VPS13C: variants seen among roughly 807,000 people sequenced by gnomAD.
The protein encoded by VPS13C is intermembrane lipid transfer protein VPS13C.
A neutral mutation model predicts 456.8 loss-of-function variants in VPS13C; 358 were observed. That is an observed-to-expected ratio of 0.78 (90% CI 0.72 to 0.86). The LOEUF (loss-of-function observed/expected upper bound fraction) is 0.86. Among genes scored for constraint, VPS13C ranks in the 40% least tolerant of loss-of-function variants. The probability of loss-of-function intolerance (pLI) is 0.00; values close to 1 mark genes in which losing one functional copy is unlikely to be tolerated. For synonymous variants in VPS13C, 1,578 were observed against 1,486.7 expected (o/e 1.06, Z -1.41); for missense variants, 4,818 against 4,385.4 (o/e 1.10, Z -2.79).
intron 3 of VPS13C, among the ~76,000 whole-genome samples, chr15:62,036,738 C>A (rs950788223): frequency 1.4e-4 from 21 of 151,998 alleles, no homozygotes; most frequent in African/African-American, 5.1e-4. Flanking sequence ...TTCTTCTCTA[C>A]ATTTATACTA....
At chr15:61,875,595 A>G in intron 76 of VPS13C, 137 bp downstream of exon 76, 1 of 654,112 alleles carries the variant, frequency 1.5e-6, no homozygotes, top group Non-Finnish European at 2.6e-6. Flanking sequence ...AAATAAAAAT[A>G]TAAAATTGAT....
At chr15:61,996,948 T>C (rs1294959156) in intron 16 of VPS13C, among the ~76,000 whole-genome samples, 1 of 150,450 alleles carries the variant, frequency 6.6e-6, no homozygotes, top group Non-Finnish European at 1.5e-5. Flanking sequence ...AATACATATA[T>C]CTTATACATA....
intron 16 of VPS13C, among the ~76,000 whole-genome samples, chr15:61,999,675 T>G (rs548205097): frequency 5.9e-5 from 9 of 152,106 alleles, no homozygotes; most frequent in Non-Finnish European, 1.3e-4. Flanking sequence ...TAATTTTTTT[T>G]CATCACCAAA....
intron 83 of VPS13C, among the ~76,000 whole-genome samples, 191 bp downstream of exon 83, chr15:61,856,095 T>A (rs546707209): frequency 1.0e-3 from 157 of 152,252 alleles, no homozygotes; most frequent in Non-Finnish European, 1.8e-3. Flanking sequence ...TAGACTGATA[T>A]TTCACTCTAT....
intron 66 of VPS13C, among the ~76,000 whole-genome samples, chr15:61,905,091 T>C (rs2043116905): frequency 6.6e-6 from 1 of 152,118 alleles, no homozygotes; most frequent in African/African-American, 2.4e-5. Context: ...TAGTTAACAA[T>C]AATGTATTCT....
intron 26 of VPS13C, 137 bp from the exon 27 acceptor site, chr15:61,972,901 T>G: frequency 2.2e-6 from 2 of 893,026 alleles, no homozygotes; most frequent in Middle Eastern, 3.6e-4. Context: ...ATAGCTGCCT[T>G]TTTTAAACTT....
chr15:61,934,367 C>T (rs771778150), intron 48 of VPS13C, 36 bp from the exon 49 acceptor site: 87 of 1,161,210 alleles, frequency 7.5e-5, no homozygotes, highest in Middle Eastern at 2.2e-4. Flanking sequence ...TAAGTAGGTA[C>T]GTAATTTTAT....
At chr15:61,907,196 G>C (rs781605967) in intron 66 of VPS13C, 68 bp downstream of exon 66, 123 of 1,606,154 alleles carry the variant, frequency 7.7e-5, no homozygotes, top group Non-Finnish European at 1.0e-4. Context: ...AGGAGTCAGT[G>C]AAGATAGCTT....
chr15:61,942,545 T>C (rs1385469039), intron 45 of VPS13C, among the ~76,000 whole-genome samples: 1 of 118,728 alleles, frequency 8.4e-6, no homozygotes, highest in Non-Finnish European at 1.7e-5. Context: ...CTGATAAGGC[T>C]TTTTTTTTTT....
chr15:61,957,712 T>C (rs1370324774), intron 37 of VPS13C, among the ~76,000 whole-genome samples: 2 of 152,112 alleles, frequency 1.3e-5, no homozygotes, highest in South Asian at 4.1e-4. Flanking sequence ...ACTGGTGTTA[T>C]CCTATAGAAA....
In VPS13C at chr15:62,012,676, T is replaced by G. The variant is rs74469934; in HGVS notation, c.825+363A>C. ...AAATGTCTAAAACATGTGTCAAAGA[T>G]ACATGCTTTATATCTGAGAAATATT... On this transcript the variant is annotated intron_variant, in intron 11 of 84. Transcript: ENST00000644861. Among the ~76,000 whole-genome samples, 965 of 152,050 alleles carry G rather than the reference T, an allele frequency of 6.3e-3. 8 individuals are homozygous for G. The highest frequency in any genetic ancestry group is 0.022 in the African/African-American group (913 of 41,536).
intron 11 of VPS13C, among the ~76,000 whole-genome samples, chr15:62,012,555 GTTCT>G (rs2047083297): frequency 6.6e-6 from 1 of 151,834 alleles, no homozygotes; most frequent in South Asian, 2.1e-4. Context: ...AAATTGAATT[GTTCT>G]TTCTTTAATC....
intron 48 of VPS13C, chr15:61,935,680 T>C (rs543908541): frequency 2.0e-5 from 3 of 152,336 alleles, no homozygotes; most frequent in African/African-American, 4.8e-5. Context: ...CCTGGGGAGA[T>C]GTTGACCTCA....
At chr15:62,020,649 C>T in intron 8 of VPS13C, 111 bp from the exon 9 acceptor site, 1 of 972,726 alleles carries the variant, frequency 1.0e-6, no homozygotes, top group Non-Finnish European at 1.5e-6. Flanking sequence ...CCATACAACC[C>T]AAATGGATTT....
At chr15:61,864,635 T>G in intron 81 of VPS13C, 1 of 985,488 alleles carries the variant, frequency 1.0e-6, no homozygotes. Flanking sequence ...TAAAGTTGCT[T>G]GGTACCTAGT....
chr15:61,863,517 T>C lies in VPS13C; in HGVS notation c.10875A>G (p.Lys3625=), dbSNP rs779661147. 3 of 1,612,582 alleles carry C rather than the reference T, an allele frequency of 1.9e-6. No homozygotes were observed. The highest frequency in any genetic ancestry group is 2.5e-6 in the Non-Finnish European group (3 of 1,178,998). The change falls in exon 82 of 85, where the codon AAA becomes AAG. Residue 3625 remains lysine, a synonymous_variant. Coordinates refer to ENST00000644861, the MANE Select transcript of VPS13C (RefSeq NM_020821.3). ...ATCGGTAAGTCTCTCCTTCCAACTT[T>C]TTGATATGATTCTGAAAAGGAAACC... is the stretch of plus-strand genomic sequence containing the variant. ...EGSDLLENHI[K]KLEGETYRYH...
chr15:61,890,033 CA>C, intron 67 of VPS13C, 131 bp downstream of exon 67: 1 of 773,406 alleles, frequency 1.3e-6, no homozygotes, highest in East Asian at 2.7e-5. Context: ...AAGAATTATT[CA>C]GTAAGCTTTA....
chr15:62,014,849 G>C (rs978088997), intron 9 of VPS13C, among the ~76,000 whole-genome samples: 1 of 152,024 alleles, frequency 6.6e-6, no homozygotes, highest in African/African-American at 2.4e-5. Context: ...ATAAAAGAGG[G>C]AATGGTAAAT....
At chr15:61,988,718 C>G (rs2042610) in intron 18 of VPS13C, among the ~76,000 whole-genome samples, 88,447 of 151,974 alleles carry the variant, frequency 0.58, 25,906 homozygotes, top group Admixed American at 0.64. Context: ...AACTAAGACA[C>G]AATACTACAA....
Sources: gnomAD v4.1 joint callset for allele counts (sites outside exome capture counted in the v4.1 genomes callset) on GRCh38, gnomAD v4.1.1 for gene constraint, MANE v1.5 for transcripts, NCBI Gene and HGNC (gene_info 2026-07-23, HGNC 2026-07-21) for gene names.